The following ARHGEF2 variants were observed in gnomAD, a reference collection of about 807,000 sequenced individuals.
ARHGEF2 encodes rho guanine nucleotide exchange factor 2.
A neutral mutation model predicts 121.0 loss-of-function variants in ARHGEF2; 22 were observed. That is an observed-to-expected ratio of 0.18 (90% CI 0.13 to 0.26). ARHGEF2 has a LOEUF of 0.26. Among genes scored for constraint, ARHGEF2 ranks in the 10% least tolerant of loss-of-function variants. The pLI, the probability that ARHGEF2 is intolerant of heterozygous loss-of-function variation, is 1.00. For missense variants in ARHGEF2, 907 were observed against 1,336.0 expected, an observed-to-expected ratio of 0.68 and a Z score of 5.01; for synonymous variants, 487 against 530.0, an observed-to-expected ratio of 0.92 and a Z score of 1.11.
rs372676156 is a variant in ARHGEF2, at chr1:155,951,831, G to T, written c.2173-55C>A. 1.2e-6 allele frequency: 2 copies of T among 1,613,048 alleles called. No individual in the cohort carries two copies. The highest frequency in any genetic ancestry group is 2.2e-5 in the East Asian group (1 of 44,884). On this transcript the variant is annotated intron_variant, in intron 17 of 21. Coordinates refer to ENST00000361247, the MANE Select transcript of ARHGEF2 (RefSeq NM_001162383.2). This position sits in a 1 kb window ranked among gnomAD's most constrained non-coding sequence, Gnocchi z 5.1. ...GCAGGCACACAAATCCTGGGTGCCT[G>T]CCCCTGACAGCTTTGTGTTGAGGAT...
At chr1:155,960,240 G>A (rs913516846) in intron 11 of ARHGEF2, among the ~76,000 whole-genome samples, 2 of 152,144 alleles carry the variant, frequency 1.3e-5, no homozygotes, top group African/African-American at 4.8e-5. Context: ...TGAGGCAGGA[G>A]AATCACTTGA....
chr1:155,964,167 A>AT (rs1449851145), intron 7 of ARHGEF2, among the ~76,000 whole-genome samples: 3 of 91,234 alleles, frequency 3.3e-5, no homozygotes, highest in Admixed American at 1.4e-4. Context: ...AAAAAAAAAA[A>AT]ATATATATAT....
chr1:155,973,929 C>T (rs1680887966), intron 1 of ARHGEF2, among the ~76,000 whole-genome samples: 2 of 151,778 alleles, frequency 1.3e-5, no homozygotes, highest in East Asian at 3.9e-4. Context: ...AAGGCTAGGA[C>T]TTTGGCTTCC....
chr1:155,972,757 A>C (rs184134217), intron 1 of ARHGEF2, among the ~76,000 whole-genome samples: 2 of 150,086 alleles, frequency 1.3e-5, no homozygotes, highest in Admixed American at 6.6e-5. Context: ...ACTGGAGTAC[A>C]TTGGCATGAT....
At chr1:155,957,660 G>A in intron 13 of ARHGEF2, 53 bp downstream of exon 13, 2 of 1,544,980 alleles carry the variant, frequency 1.3e-6, no homozygotes, top group Middle Eastern at 4.6e-4. Context: ...GGGATCTAAT[G>A]CTGCAGGTAC....
chr1:155,952,033 C>T (rs754757661), intron 16 of ARHGEF2, 47 bp from the exon 17 acceptor site: 1 of 1,613,852 alleles, frequency 6.2e-7, no homozygotes, highest in African/African-American at 1.3e-5. Context: ...CCCTGGGGCC[C>T]TGATACCACT....
chr1:155,958,785 T>G (rs1159937068), intron 11 of ARHGEF2, among the ~76,000 whole-genome samples: 3 of 151,014 alleles, frequency 2.0e-5, no homozygotes, highest in Non-Finnish European at 4.4e-5. Context: ...ACCATGTTGG[T>G]CAGGCTGGTC....
At position 155,966,939 on chromosome 1, in the gene ARHGEF2, G is replaced by T. The variant is rs770362541; in HGVS notation, c.209-52C>A. 4 of 1,539,934 alleles carry T rather than the reference G, an allele frequency of 2.6e-6. No individual in the cohort carries two copies. In the Admixed American group the frequency reaches 6.7e-5, roughly 26 times the overall value. On this transcript the variant is annotated intron_variant, in intron 2 of 21. Transcript: ENST00000361247. Reference sequence around the variant, plus strand: ...AGGGAGGGCCGGGTGGTACAGGAGGGGACACACCCACATGCAGACACCCAT... The same window carrying T: ...AGGGAGGGCCGGGTGGTACAGGAGGTGACACACCCACATGCAGACACCCAT...
Position 155,962,816 on chromosome 1 carries a change from C to T in ARHGEF2, c.976-98G>A, listed in dbSNP as rs540786787. 229 of 1,596,298 alleles carry T rather than the reference C, an allele frequency of 1.4e-4. 1 individual carries two copies. In the South Asian group the frequency reaches 2.4e-3, roughly 17 times the overall value. On this transcript the variant is annotated intron_variant, in intron 8 of 21. Coordinates refer to ENST00000361247, the MANE Select transcript of ARHGEF2 (RefSeq NM_001162383.2). The surrounding 1 kb of genome is among the most constrained non-coding windows in gnomAD (Gnocchi z 5.8). ...GCCTCCTGCCAAACAGGCTGGCTTCCTGTTTCTCCAGCTCTCCCTGGCTCC... is the reference window on the plus strand; with the variant it reads ...GCCTCCTGCCAAACAGGCTGGCTTCTTGTTTCTCCAGCTCTCCCTGGCTCC...
At chr1:155,955,519 G>A (rs1465821743) in intron 13 of ARHGEF2, among the ~76,000 whole-genome samples, 1 of 152,148 alleles carries the variant, frequency 6.6e-6, no homozygotes, top group African/African-American at 2.4e-5. Flanking sequence ...TCAAGTACAG[G>A]CTTTGGCATC....
chr1:155,978,692 G>T, upstream of ARHGEF2: 1 of 946,122 alleles, frequency 1.1e-6, no homozygotes, highest in Non-Finnish European at 1.4e-6. The surrounding 1 kb of genome is among the most constrained non-coding windows in gnomAD (Gnocchi z 4.1). Flanking sequence ...GCAGCTCGGA[G>T]AGGTACGAGG....
chr1:155,952,266 G>A, intron 15 of ARHGEF2, 31 bp from the exon 16 acceptor site: 1 of 1,612,644 alleles, frequency 6.2e-7, no homozygotes, highest in Non-Finnish European at 8.5e-7. Flanking sequence ...GTGAGAACAG[G>A]AATGACACAG....
chr1:155,978,637 G>A, upstream of ARHGEF2: 1 of 1,221,964 alleles, frequency 8.2e-7, no homozygotes, highest in Admixed American at 4.0e-5. This position sits in a 1 kb window ranked among gnomAD's most constrained non-coding sequence, Gnocchi z 4.1. Context: ...CGGAGGGAGG[G>A]CGGGGTGCCC....
At chr1:155,966,123 A>G (rs1679310812) in intron 4 of ARHGEF2, among the ~76,000 whole-genome samples, 1 of 152,152 alleles carries the variant, frequency 6.6e-6, no homozygotes, top group Non-Finnish European at 1.5e-5. Context: ...GACACTTGAC[A>G]GCTGCTACCA....
In ARHGEF2 at chr1:155,963,100, G is replaced by A; in HGVS notation, c.808C>T (p.His270Tyr). The change falls in exon 8 of 22, where the codon CAC (histidine) becomes TAC (tyrosine). Residue 270 changes from histidine (H) to tyrosine (Y), a missense_variant. His to Tyr is a moderately conservative substitution (Grantham distance 83). Transcript: ENST00000361247. ...LFRTGMLEEL[H>Y]LEPGVVQGLF... Reference sequence around the variant, plus strand: ...CCCTGGACCACTCCTGGCTCCAAGTGTAGCTCTTCCAGCATCCCCGTGCGG... The same window carrying A: ...CCCTGGACCACTCCTGGCTCCAAGTATAGCTCTTCCAGCATCCCCGTGCGG... The A allele has an allele frequency of 1.4e-5, 23 of 1,614,098 alleles. No homozygotes were observed. Among genetic ancestry groups the A allele is most frequent in the Non-Finnish European group, 1.9e-5 (23 of 1,180,022 alleles).
upstream of ARHGEF2, chr1:155,979,093 C>T: frequency 2.0e-6 from 2 of 985,710 alleles, no homozygotes; most frequent in Non-Finnish European, 2.4e-6. Flanking sequence ...GAACTAAACG[C>T]TGGATCTTCA....
In ARHGEF2 at chr1:155,965,219, C is replaced by T. The variant is rs2102672096; in HGVS notation, c.580+84G>A. ...TTCTCTAGATCCCTTCCCTCCTTGT[C>T]CTTCCAGGCTACTCCCACCAGCCTC... On this transcript the variant is annotated intron_variant, in intron 6 of 21. Coordinates refer to ENST00000361247, the MANE Select transcript of ARHGEF2 (RefSeq NM_001162383.2). This position sits in a 1 kb window ranked among gnomAD's most constrained non-coding sequence, Gnocchi z 6.0. The T allele has an allele frequency of 1.2e-6, 2 of 1,607,242 alleles. No homozygotes were observed. Among genetic ancestry groups the T allele is most frequent in the South Asian group, 1.1e-5 (1 of 90,796 alleles).
chr1:155,964,170 ATATATAT>A (rs1678739898), intron 7 of ARHGEF2, among the ~76,000 whole-genome samples: 10 of 63,270 alleles, frequency 1.6e-4, no homozygotes, highest in African/African-American at 1.0e-3. Flanking sequence ...AAAAAAAAAT[ATATATAT>A]ATATATATAT....
chr1:155,965,079 G>T lies in ARHGEF2; in HGVS notation c.633C>A (p.Asp211Glu), dbSNP rs1269855732. Reference protein sequence around the residue: ...LMSDFEMDEKDFAADSWSLAV... With the variant: ...LMSDFEMDEKEFAADSWSLAV... ...CAAGACTCCAAGAGTCAGCTGCAAA[G>T]TCCTTCTCATCCATCTCAAAGTCAC... The change falls in exon 7 of 22, where the codon GAC becomes GAA. Residue 211 changes from aspartate (D) to glutamate (E), a missense_variant. By Grantham distance (45) the Asp-to-Glu change is conservative (BLOSUM62 2). Coordinates refer to ENST00000361247, the MANE Select transcript of ARHGEF2 (RefSeq NM_001162383.2). This position sits in a 1 kb window ranked among gnomAD's most constrained non-coding sequence, Gnocchi z 6.0. 15 of 1,613,968 alleles carry T rather than the reference G, an allele frequency of 9.3e-6. No individual in the cohort carries two copies. The highest frequency in any genetic ancestry group is 1.3e-5 in the African/African-American group (1 of 74,888).
Sources: allele counts gnomAD v4.1 joint callset (sites outside exome capture counted in the v4.1 genomes callset), GRCh38; gene constraint gnomAD v4.1.1; non-coding constraint Gnocchi (gnomAD v3.1); transcripts MANE v1.5; gene names NCBI Gene and HGNC (gene_info 2026-07-23, HGNC 2026-07-21).